LPP: variants seen among roughly 807,000 people sequenced by gnomAD.
LPP encodes LIM domain containing preferred translocation partner in lipoma.
A neutral mutation model predicts 60.4 loss-of-function variants in LPP; 38 were observed. The ratio of observed to expected loss-of-function variants is 0.63; its 90% CI spans 0.49 to 0.83. The LOEUF (loss-of-function observed/expected upper bound fraction) is 0.83. LPP is among the 40% of genes least tolerant of loss of function. LPP has a pLI of 0.00. For missense variants in LPP, 902 were observed against 783.6 expected, an observed-to-expected ratio of 1.15 and a Z score of -1.80; for synonymous variants, 328 against 290.8, an observed-to-expected ratio of 1.13 and a Z score of -1.30.
rs145865224 is a variant in LPP, at chr3:188,850,240, T to G, written c.1411-15960T>G. 2.0e-3 allele frequency among the ~76,000 whole-genome samples: 305 copies of G among 152,266 alleles called. 2 individuals are homozygous for G. The highest frequency in any genetic ancestry group is 6.9e-3 in the African/African-American group (285 of 41,544). On this transcript the variant is annotated intron_variant, in intron 9 of 11. Transcript: ENST00000617246. ...GTATTGTGATTATCTAAGTGAGAGA[T>G]GATAGAACAATATGGCAAAAGATGG... is the stretch of plus-strand genomic sequence containing the variant.
At chr3:188,746,611 G>A (rs1726300721) in intron 8 of LPP, 3 of 469,574 alleles carry the variant, frequency 6.4e-6, no homozygotes, top group Non-Finnish European at 1.3e-5. Flanking sequence ...CATAGCTGAT[G>A]CAAGAAACCG....
chr3:188,659,481 G>A (rs1444255041), intron 7 of LPP, among the ~76,000 whole-genome samples: 1 of 152,044 alleles, frequency 6.6e-6, no homozygotes, highest in East Asian at 1.9e-4. Flanking sequence ...AGGAATCCAG[G>A]GTGGCCTTTA....
At chr3:188,441,847 A>G (rs1319757604) in intron 4 of LPP, among the ~76,000 whole-genome samples, 1 of 151,256 alleles carries the variant, frequency 6.6e-6, no homozygotes, top group Non-Finnish European at 1.5e-5. Context: ...GATGGTCTCC[A>G]TCTCCTGACC....
chr3:188,329,831 T>A (rs1459797882), intron 2 of LPP, among the ~76,000 whole-genome samples: 1 of 152,206 alleles, frequency 6.6e-6, no homozygotes, highest in East Asian at 1.9e-4. Flanking sequence ...ATTCTAGCTT[T>A]GTGGGGAAGG....
intron 6 of LPP, among the ~76,000 whole-genome samples, chr3:188,589,679 A>G (rs551617597): frequency 6.6e-6 from 1 of 152,328 alleles, no homozygotes; most frequent in East Asian, 1.9e-4. Context: ...GCGAGGCTCA[A>G]AGTAGTTTAA....
intron 3 of LPP, among the ~76,000 whole-genome samples, chr3:188,360,789 G>A (rs1428481239): frequency 5.3e-5 from 8 of 152,132 alleles, no homozygotes; most frequent in South Asian, 2.1e-4. Flanking sequence ...AAAAGTTCTC[G>A]AATCCTGAAT....
rs2150861608 is a variant in LPP, at chr3:188,572,246, C to T, written c.430-36915C>T. Among the ~76,000 whole-genome samples, 1 of 152,008 alleles carries T rather than the reference C, an allele frequency of 6.6e-6. No homozygotes were observed. The highest frequency in any genetic ancestry group is 6.6e-5 in the Admixed American group (1 of 15,234). ...AAAAAAACTATGGATAATTTTAAGCCATTTATTTCAACAAACATGTAATAT... is the reference window on the plus strand; with the variant it reads ...AAAAAAACTATGGATAATTTTAAGCTATTTATTTCAACAAACATGTAATAT... On this transcript the variant is annotated intron_variant, in intron 6 of 11. Transcript: ENST00000617246. This position sits in a 1 kb window ranked among gnomAD's most constrained non-coding sequence, Gnocchi z 4.1.
At chr3:188,441,766 G>A (rs1257096843) in intron 4 of LPP, among the ~76,000 whole-genome samples, 7 of 151,068 alleles carry the variant, frequency 4.6e-5, no homozygotes, top group South Asian at 2.1e-4. Flanking sequence ...TACTACAGGC[G>A]CCCGCCACCA....
intron 4 of LPP, among the ~76,000 whole-genome samples, chr3:188,438,424 T>A (rs926651502): frequency 3.1e-4 from 47 of 150,320 alleles, no homozygotes; most frequent in African/African-American, 1.1e-3. Context: ...CCTCATAATA[T>A]TATGAGGTAG....
intron 6 of LPP, among the ~76,000 whole-genome samples, chr3:188,582,262 A>G (rs13063820): frequency 0.77 from 115,680 of 150,266 alleles, 44,860 homozygotes; most frequent in East Asian, 0.94. Flanking sequence ...CCAGGTTCAA[A>G]CGATTCTCTT....
intron 4 of LPP, among the ~76,000 whole-genome samples, chr3:188,471,146 G>A (rs1801744072): frequency 6.6e-6 from 1 of 152,058 alleles, no homozygotes; most frequent in South Asian, 2.1e-4. Context: ...GTTTATTTCT[G>A]GGCTCTGTAT....
intron 8 of LPP, among the ~76,000 whole-genome samples, chr3:188,747,349 A>G (rs1485565720): frequency 6.6e-6 from 1 of 152,184 alleles, no homozygotes; most frequent in East Asian, 1.9e-4. Context: ...ATTAGAATGG[A>G]ATTTTAACTT....
At chr3:188,618,429 C>G (rs1272702351) in intron 7 of LPP, among the ~76,000 whole-genome samples, 1 of 152,214 alleles carries the variant, frequency 6.6e-6, no homozygotes, top group African/African-American at 2.4e-5. Flanking sequence ...TCAGAGGCAA[C>G]TTCTTTAGTA....
At chr3:188,252,210 T>C (rs1730068107) in intron 2 of LPP, among the ~76,000 whole-genome samples, 1 of 141,528 alleles carries the variant, frequency 7.1e-6, no homozygotes, top group Non-Finnish European at 1.5e-5. Flanking sequence ...TATATATGTT[T>C]TTATATTTCC....
intron 3 of LPP, among the ~76,000 whole-genome samples, chr3:188,364,891 G>A (rs1770647072): frequency 6.6e-6 from 1 of 151,660 alleles, no homozygotes; most frequent in African/African-American, 2.4e-5. Context: ...ATGAACAGAG[G>A]AAGAAGCCCT....
chr3:188,780,508 A>T (rs552389179), intron 9 of LPP, among the ~76,000 whole-genome samples: 12 of 152,180 alleles, frequency 7.9e-5, no homozygotes, highest in Non-Finnish European at 1.2e-4. Flanking sequence ...TCCCAAAGGA[A>T]TCATCTGTGA....
At chr3:188,756,563 A>G (rs755793936) in intron 8 of LPP, among the ~76,000 whole-genome samples, 1 of 152,212 alleles carries the variant, frequency 6.6e-6, no homozygotes. Context: ...AGCATACACT[A>G]TGCTTGAGTA....
At chr3:188,844,400 A>G (rs1760921907) in intron 9 of LPP, among the ~76,000 whole-genome samples, 1 of 152,258 alleles carries the variant, frequency 6.6e-6, no homozygotes, top group African/African-American at 2.4e-5. Context: ...CCTTTGAAAC[A>G]TAATTTCTCT....
At chr3:188,634,679 C>T (rs1449322965) in intron 7 of LPP, among the ~76,000 whole-genome samples, 1 of 152,174 alleles carries the variant, frequency 6.6e-6, no homozygotes, top group East Asian at 1.9e-4. Context: ...ATTTTGCGTG[C>T]TCCTTATGAG....
Sources: gnomAD v4.1 joint callset for allele counts (sites outside exome capture counted in the v4.1 genomes callset) on GRCh38, gnomAD v4.1.1 for gene constraint, Gnocchi (gnomAD v3.1) non-coding constraint, MANE v1.5 for transcripts, NCBI Gene and HGNC (gene_info 2026-07-23, HGNC 2026-07-21) for gene names.